Variants in TNKS observed in about 807,000 individuals in gnomAD.
TNKS encodes poly [ADP-ribose] polymerase tankyrase-1.
TNKS carries 72 observed loss-of-function variants against 135.8 expected under a neutral mutation model. That is an observed-to-expected ratio of 0.53 (90% CI 0.44 to 0.64). TNKS has a LOEUF of 0.64. TNKS is among the 30% of genes least tolerant of loss of function. TNKS has a pLI of 0.00. For missense variants in TNKS, 1,769 were observed against 1,674.0 expected, an observed-to-expected ratio of 1.06 and a Z score of -0.99; for synonymous variants, 849 against 649.3, an observed-to-expected ratio of 1.31 and a Z score of -4.68.
At chr8:9,618,264 C>G (rs937441646) in intron 3 of TNKS, among the ~76,000 whole-genome samples, 3 of 152,262 alleles carry the variant, frequency 2.0e-5, no homozygotes, top group Admixed American at 6.5e-5. Flanking sequence ...AGAACATTTA[C>G]AAATATGTGA....
At chr8:9,652,778 G>T (rs558284243) in intron 3 of TNKS, among the ~76,000 whole-genome samples, 4 of 152,204 alleles carry the variant, frequency 2.6e-5, no homozygotes, top group Admixed American at 1.3e-4. Flanking sequence ...GTTTTTCTGT[G>T]AGTCAAACAT....
In TNKS at chr8:9,751,747, A is replaced by G. The variant is rs1806546633; in HGVS notation, c.2971A>G (p.Ser991Gly). The change falls in exon 19 of 27, where the codon AGC (serine) becomes GGC (glycine). Residue 991 changes from serine to glycine, a missense_variant. Ser to Gly is a moderately conservative substitution (Grantham distance 56, BLOSUM62 0). Transcript: ENST00000310430. The stretch of plus-strand genomic sequence containing the variant: ...CCCCTCCTGCCTCTCGGCTGCCAGC[A>G]GCATAGACAACCTCACTGGCCCTTT... ...STPSCLSAAS[S>G]IDNLTGPLAE... 2 of 1,614,202 alleles carry G rather than the reference A, an allele frequency of 1.2e-6. No homozygotes were observed. Among genetic ancestry groups the G allele is most frequent in the Admixed American group, 1.7e-5 (1 of 60,024 alleles).
chr8:9,595,341 C>G (rs77232006), intron 2 of TNKS, among the ~76,000 whole-genome samples: 12 of 152,136 alleles, frequency 7.9e-5, no homozygotes, highest in African/African-American at 2.9e-4. Flanking sequence ...AAATTCCATA[C>G]TTGTATCCTT....
chr8:9,763,326 C>T, intron 22 of TNKS, 82 bp downstream of exon 22: 2 of 909,334 alleles, frequency 2.2e-6, no homozygotes, highest in African/African-American at 1.7e-5. Context: ...CCTCGTCTTA[C>T]ATTGCCTTGC....
chr8:9,663,707 G>A (rs1023569472), intron 3 of TNKS, among the ~76,000 whole-genome samples: 1 of 152,154 alleles, frequency 6.6e-6, no homozygotes, highest in African/African-American at 2.4e-5. Flanking sequence ...TGCTAGTGGT[G>A]CCCACAGAAC....
At position 9,556,031 on chromosome 8, in the gene TNKS, C is replaced by T. The variant is rs765784671; in HGVS notation, c.92C>T (p.Pro31Leu). The change falls in exon 1 of 27, where the codon CCT becomes CTT. Residue 31 changes from proline to leucine, a missense_variant. Coordinates refer to ENST00000310430, the MANE Select transcript of TNKS (RefSeq NM_003747.3). ...GGGGCTTCAGCGCCGCCGCCGCCAC[C>T]TCCTCCCCCACTCAGCCCTGGCCTG... is the stretch of plus-strand genomic sequence containing the variant. ...APGASAPPPP[P>L]PPPLSPGLAP... 4 of 1,612,310 alleles carry T rather than the reference C, an allele frequency of 2.5e-6. No individual in the cohort carries two copies. The Admixed American group carries it at 5.0e-5, about 20-fold the overall frequency.
chr8:9,757,411 A>T (rs1009997180), intron 20 of TNKS, among the ~76,000 whole-genome samples: 5 of 152,114 alleles, frequency 3.3e-5, no homozygotes, highest in Admixed American at 2.6e-4. Context: ...TACAGTACTT[A>T]AGGTCCCTCA....
chr8:9,583,752 C>T (rs1798259703), intron 2 of TNKS, among the ~76,000 whole-genome samples: 1 of 151,968 alleles, frequency 6.6e-6, no homozygotes. Flanking sequence ...CTCCCAAAGT[C>T]CTGGGATTGT....
chr8:9,556,461 A>C lies in TNKS; in HGVS notation c.522A>C (p.Thr174=), dbSNP rs34464799. The C allele has an allele frequency of 1.4e-4, 220 of 1,614,110 alleles. 4 individuals carry two copies. In the African/African-American group the frequency reaches 2.6e-3, roughly 19 times the overall value. ...PLGPGAAGPG[T]GVPAVSGALR... ...GGCCTGGGGCAGCAGGACCTGGGAC[A>C]GGGGTCCCAGCAGTGAGCGGGGCCC... The change falls in exon 1 of 27, where the codon ACA becomes ACC. Residue 174 remains threonine (T), a synonymous_variant. Coordinates refer to ENST00000310430, the MANE Select transcript of TNKS (RefSeq NM_003747.3).
chr8:9,570,242 C>A (rs1229464369), intron 1 of TNKS, among the ~76,000 whole-genome samples: 1 of 152,084 alleles, frequency 6.6e-6, no homozygotes, highest in Non-Finnish European at 1.5e-5. Flanking sequence ...GAGTTTGAGA[C>A]CAGCCTGGGC....
At chr8:9,682,956 T>C (rs959985635) in intron 5 of TNKS, among the ~76,000 whole-genome samples, 1 of 152,034 alleles carries the variant, frequency 6.6e-6, no homozygotes, top group African/African-American at 2.4e-5. Flanking sequence ...GCAATAATGT[T>C]CCAAAATGTA....
At chr8:9,690,498 G>A (rs773469986) in intron 5 of TNKS, among the ~76,000 whole-genome samples, 33 of 151,972 alleles carry the variant, frequency 2.2e-4, no homozygotes, top group Non-Finnish European at 4.7e-4. Flanking sequence ...GGTGGCTCAC[G>A]CCTGTAATCC....
chr8:9,629,883 C>T (rs573735214), intron 3 of TNKS, among the ~76,000 whole-genome samples: 10 of 152,206 alleles, frequency 6.6e-5, no homozygotes, highest in Admixed American at 2.0e-4. Context: ...GGGGTTTCAC[C>T]GTGTTAGCCA....
intron 17 of TNKS, among the ~76,000 whole-genome samples, chr8:9,744,512 C>T (rs935840600): frequency 6.6e-6 from 1 of 152,158 alleles, no homozygotes; most frequent in Admixed American, 6.5e-5. Context: ...AAAAGCTTCC[C>T]AGTCTTTTTA....
intron 3 of TNKS, among the ~76,000 whole-genome samples, chr8:9,671,395 C>G (rs755527523): frequency 5.3e-5 from 8 of 152,126 alleles, no homozygotes; most frequent in Non-Finnish European, 8.8e-5. Flanking sequence ...AATTGAGATA[C>G]ATCCATATAA....
At chr8:9,632,075 G>A (rs925447414) in intron 3 of TNKS, among the ~76,000 whole-genome samples, 1 of 152,110 alleles carries the variant, frequency 6.6e-6, no homozygotes, top group African/African-American at 2.4e-5. Flanking sequence ...ATTAAAAGCT[G>A]AAACTTATAA....
At chr8:9,598,704 TA>T (rs200633933) in intron 2 of TNKS, among the ~76,000 whole-genome samples, 36 of 122,950 alleles carry the variant, frequency 2.9e-4, no homozygotes, top group African/African-American at 1.2e-3. Context: ...TTGTCTAAAA[TA>T]TGTGTGTGTG....
At chr8:9,669,459 A>G (rs938267276) in intron 3 of TNKS, among the ~76,000 whole-genome samples, 10 of 152,038 alleles carry the variant, frequency 6.6e-5, no homozygotes, top group African/African-American at 9.7e-5. Context: ...GGAAAAAAGA[A>G]AGTAGGGACA....
chr8:9,772,920 T>C (rs532340779), intron 26 of TNKS, among the ~76,000 whole-genome samples: 1 of 147,236 alleles, frequency 6.8e-6, no homozygotes, highest in South Asian at 2.2e-4. Context: ...GGGCAAATGA[T>C]AAAGCAAATG....
Sources: gnomAD v4.1 joint callset for allele counts (sites outside exome capture counted in the v4.1 genomes callset) on GRCh38, gnomAD v4.1.1 for gene constraint, MANE v1.5 for transcripts, NCBI Gene and HGNC (gene_info 2026-07-23, HGNC 2026-07-21) for gene names.